Variants in ANKS1B observed in about 807,000 individuals in gnomAD.
ANKS1B encodes the protein ankyrin repeat and sterile alpha motif domain containing 1B.
Under a neutral mutation model 148.3 loss-of-function variants are expected in ANKS1B, and 36 were observed. The observed-to-expected ratio is 0.24, with a 90% CI of 0.19 to 0.32. ANKS1B has a LOEUF of 0.32. Ranked by LOEUF, ANKS1B falls within the 10% of genes least tolerant of loss-of-function variation. ANKS1B has a pLI of 1.00. For missense variants in ANKS1B, 1,157 were observed against 1,542.6 expected (o/e 0.75, Z 4.19); for synonymous variants, 542 against 560.8 (o/e 0.97, Z 0.47).
At chr12:99,094,810 T>G (rs1181858514) in intron 15 of ANKS1B, among the ~76,000 whole-genome samples, 1 of 152,214 alleles carries the variant, frequency 6.6e-6, no homozygotes, top group Non-Finnish European at 1.5e-5. Flanking sequence ...AGGACTTTGA[T>G]TGTATTCCAA....
At chr12:99,621,461 G>GAA (rs199847091) in intron 9 of ANKS1B, among the ~76,000 whole-genome samples, 71 of 112,770 alleles carry the variant, frequency 6.3e-4, no homozygotes, top group Middle Eastern at 0.011. Flanking sequence ...AGGCAAATTG[G>GAA]AAAAAAAAAA....
chr12:99,361,669 T>C (rs534122533), intron 12 of ANKS1B, among the ~76,000 whole-genome samples: 1 of 152,206 alleles, frequency 6.6e-6, no homozygotes, highest in East Asian at 1.9e-4. Context: ...ATTCAGTGAA[T>C]CTTGTCTGTT....
chr12:99,132,694 A>T (rs2066517167), intron 15 of ANKS1B, among the ~76,000 whole-genome samples: 1 of 152,208 alleles, frequency 6.6e-6, no homozygotes, highest in African/African-American at 2.4e-5. Context: ...CTTGTAAATT[A>T]ACTATTGTCC....
At chr12:98,854,437 C>T (rs577887095) in intron 17 of ANKS1B, among the ~76,000 whole-genome samples, 1 of 152,258 alleles carries the variant, frequency 6.6e-6, no homozygotes, top group Non-Finnish European at 1.5e-5. Context: ...TGAAAAATCA[C>T]ATAGGACTCA....
intron 9 of ANKS1B, among the ~76,000 whole-genome samples, chr12:99,637,763 T>C (rs902413672): frequency 1.3e-5 from 2 of 150,094 alleles, no homozygotes; most frequent in Admixed American, 6.7e-5. Context: ...ATCATGTGAG[T>C]TTAACACTCC....
At chr12:99,591,392 C>G (rs893398468) in intron 9 of ANKS1B, among the ~76,000 whole-genome samples, 1 of 151,972 alleles carries the variant, frequency 6.6e-6, no homozygotes, top group African/African-American at 2.4e-5. Context: ...GTAACCATGA[C>G]TACGGTTTTC....
At chr12:99,854,963 C>A (rs890475897) in intron 1 of ANKS1B, among the ~76,000 whole-genome samples, 2 of 151,876 alleles carry the variant, frequency 1.3e-5, no homozygotes, top group Non-Finnish European at 2.9e-5. Context: ...ATAAATCTCA[C>A]AGAACCTATA....
At chr12:99,715,975 G>A (rs555622366) in intron 8 of ANKS1B, among the ~76,000 whole-genome samples, 2 of 152,248 alleles carry the variant, frequency 1.3e-5, no homozygotes, top group South Asian at 2.1e-4. Flanking sequence ...TTGCAGGGAC[G>A]CCTCTCCATT....
At chr12:99,240,475 C>T (rs2089064878) in intron 14 of ANKS1B, among the ~76,000 whole-genome samples, 1 of 152,130 alleles carries the variant, frequency 6.6e-6, no homozygotes, top group African/African-American at 2.4e-5. Flanking sequence ...TAGACTTTAA[C>T]ACCCCACTGC....
chr12:99,518,777 GT>G (rs1258618268), intron 9 of ANKS1B, among the ~76,000 whole-genome samples: 1 of 151,548 alleles, frequency 6.6e-6, no homozygotes, highest in Non-Finnish European at 1.5e-5. Flanking sequence ...TTTAAATTTG[GT>G]TTGCTCTAGC....
chr12:99,201,336 C>T (rs959977943), intron 14 of ANKS1B, among the ~76,000 whole-genome samples: 1 of 151,954 alleles, frequency 6.6e-6, no homozygotes, highest in Non-Finnish European at 1.5e-5. Context: ...AAAAAAAACC[C>T]TAGAAACTGA....
chr12:99,023,201 A>G (rs2099946829), intron 17 of ANKS1B, among the ~76,000 whole-genome samples: 1 of 152,086 alleles, frequency 6.6e-6, no homozygotes. Context: ...TACATGGCCA[A>G]TGTTCATTTG....
At chr12:99,469,090 C>T (rs2096190167) in intron 10 of ANKS1B, among the ~76,000 whole-genome samples, 1 of 151,932 alleles carries the variant, frequency 6.6e-6, no homozygotes, top group Admixed American at 6.5e-5. Flanking sequence ...CACATATACA[C>T]CATGGAATAC....
At chr12:98,847,297 T>C (rs1223546113) in intron 17 of ANKS1B, among the ~76,000 whole-genome samples, 1 of 152,210 alleles carries the variant, frequency 6.6e-6, no homozygotes, top group African/African-American at 2.4e-5. Context: ...GTAACCACCA[T>C]TCTACTGCCT....
intron 1 of ANKS1B, among the ~76,000 whole-genome samples, chr12:99,831,246 C>G (rs1050107039): frequency 6.8e-6 from 1 of 146,148 alleles, no homozygotes; most frequent in Non-Finnish European, 1.5e-5. Flanking sequence ...AAAAAAAAAC[C>G]AAACCCATAC....
chr12:99,110,112 C>T (rs1234805807), intron 15 of ANKS1B, among the ~76,000 whole-genome samples: 1 of 152,120 alleles, frequency 6.6e-6, no homozygotes. Flanking sequence ...TACTAGTTAT[C>T]TAGGTGGTAT....
chr12:99,449,562 TAAAAG>T (rs1198088348), intron 10 of ANKS1B, among the ~76,000 whole-genome samples: 3 of 152,108 alleles, frequency 2.0e-5, no homozygotes, highest in Non-Finnish European at 2.9e-5. Flanking sequence ...CGTGTGCAGA[TAAAAG>T]AAAAGAAAAA....
chr12:99,520,193 T>C (rs1420801872), intron 9 of ANKS1B, among the ~76,000 whole-genome samples: 1 of 152,248 alleles, frequency 6.6e-6, no homozygotes, highest in Non-Finnish European at 1.5e-5. Context: ...GATTTCTTCT[T>C]GCTCATTAAC....
At chr12:99,134,672 C>G (rs2067356880) in intron 15 of ANKS1B, among the ~76,000 whole-genome samples, 1 of 150,056 alleles carries the variant, frequency 6.7e-6, no homozygotes, top group Non-Finnish European at 1.5e-5. Flanking sequence ...CACACACACA[C>G]ACACACACAC....
Sources: gnomAD v4.1 joint callset for allele counts (sites outside exome capture counted in the v4.1 genomes callset) on GRCh38, gnomAD v4.1.1 for gene constraint, MANE v1.5 for transcripts, NCBI Gene and HGNC (gene_info 2026-07-23, HGNC 2026-07-21) for gene names.